Variants in ARHGAP8 observed in about 807,000 individuals in gnomAD.
ARHGAP8 encodes rho GTPase-activating protein 8.
Under a neutral mutation model 46.1 loss-of-function variants are expected in ARHGAP8, and 62 were observed. The ratio of observed to expected loss-of-function variants is 1.34; its 90% confidence interval spans 1.10 to 1.66. The LOEUF (loss-of-function observed/expected upper bound fraction) is 1.66. Among genes scored for constraint, ARHGAP8 ranks in the 40% most tolerant of loss-of-function variants. The probability of loss-of-function intolerance (pLI) is 0.00; values close to 1 mark genes in which losing one functional copy is unlikely to be tolerated. For missense variants in ARHGAP8, 923 were observed against 568.4 expected, an observed-to-expected ratio of 1.62 and a Z score of -6.34; for synonymous variants, 375 against 243.1, an observed-to-expected ratio of 1.54 and a Z score of -5.05.
chr22:44,833,120 A>G (rs1322318738), intron 7 of ARHGAP8, among the ~76,000 whole-genome samples: 4 of 58,262 alleles, frequency 6.9e-5, no homozygotes, highest in Admixed American at 1.9e-4. Context: ...TTTTTGAGAT[A>G]GAGTCTCCCT....
chr22:44,837,371 AGTCACT>A (rs1931359002), intron 7 of ARHGAP8, among the ~76,000 whole-genome samples: 1 of 152,210 alleles, frequency 6.6e-6, no homozygotes, highest in Non-Finnish European at 1.5e-5. Context: ...GCCAGGTGGG[AGTCACT>A]GGCCACAGAG....
At position 44,862,446 on chromosome 22, in the gene ARHGAP8, G is replaced by C. The variant is rs763364625; in HGVS notation, c.1153G>C (p.Glu385Gln). 73 of 1,613,922 alleles carry C rather than the reference G, an allele frequency of 4.5e-5. No homozygotes were observed. In the South Asian group the frequency reaches 7.0e-4, roughly 16 times the overall value. ...CTATGAAAAGATCTTCAGCACCCCGGAGGCACCTGGGGAGCACGGCCTGGC... is the reference window on the plus strand; with the variant it reads ...CTATGAAAAGATCTTCAGCACCCCGCAGGCACCTGGGGAGCACGGCCTGGC... The part of the protein sequence containing the change: ...EYYEKIFSTP[E>Q]APGEHGLAPW... The change falls in exon 12 of 12, where the codon GAG (glutamate) becomes CAG (glutamine). Residue 385 changes from glutamate to glutamine, a missense_variant. By Grantham distance (29) the Glu-to-Gln change is conservative. Transcript: ENST00000356099.
chr22:44,822,962 C>T (rs1187357851), intron 6 of ARHGAP8, among the ~76,000 whole-genome samples: 3 of 152,192 alleles, frequency 2.0e-5, no homozygotes, highest in East Asian at 1.9e-4. Context: ...CCCAGAAAGG[C>T]GTATGCCACA....
intron 2 of ARHGAP8, chr22:44,801,864 C>T: frequency 1.7e-6 from 1 of 584,526 alleles, no homozygotes. Flanking sequence ...GGGATTATTT[C>T]CAGCGTACGG....
intron 10 of ARHGAP8, among the ~76,000 whole-genome samples, chr22:44,856,931 TTGAG>T (rs2070241871): frequency 7.1e-6 from 1 of 141,450 alleles, no homozygotes; most frequent in Non-Finnish European, 1.5e-5. Flanking sequence ...GGAGGCTGAC[TTGAG>T]TAAGAATTCT....
chr22:44,776,320 C>T (rs866550837), intron 1 of ARHGAP8, among the ~76,000 whole-genome samples: 7 of 152,048 alleles, frequency 4.6e-5, no homozygotes, highest in Admixed American at 1.3e-4. Context: ...AGCATGGTGG[C>T]GGGTACCTGT....
At chr22:44,849,165 C>G (rs374572503) in intron 10 of ARHGAP8, 105 bp downstream of exon 10, 7 of 1,557,526 alleles carry the variant, frequency 4.5e-6, no homozygotes, top group Non-Finnish European at 6.0e-6. Context: ...TGACGTGTAC[C>G]CACCCTCCTC....
intron 10 of ARHGAP8, among the ~76,000 whole-genome samples, chr22:44,858,734 T>TGGGG (rs562188438): frequency 2.5e-5 from 3 of 119,192 alleles, no homozygotes; most frequent in Non-Finnish European, 3.7e-5. Flanking sequence ...TAAGGGTAAC[T>TGGGG]GGGGGGTCTC....
intron 2 of ARHGAP8, among the ~76,000 whole-genome samples, chr22:44,800,596 G>A (rs552803404): frequency 0.025 from 1,929 of 77,410 alleles, 32 homozygotes; most frequent in East Asian, 0.1. Context: ...TGTGGGGGGC[G>A]CCCCTCCCCG....
intron 10 of ARHGAP8, among the ~76,000 whole-genome samples, chr22:44,858,537 T>TTTTC (rs1291178069): frequency 7.8e-6 from 1 of 127,660 alleles, no homozygotes; most frequent in Non-Finnish European, 1.7e-5. Flanking sequence ...ACCCGGCTTT[T>TTTTC]TTTTTTTTTT....
chr22:44,800,050 A>AGGGGCACGGAGGATGGTCTGCAGG (rs528355562), intron 2 of ARHGAP8, among the ~76,000 whole-genome samples: 23 of 84,326 alleles, frequency 2.7e-4, no homozygotes, highest in East Asian at 1.8e-3. Context: ...GATGGTCTGC[A>AGGGGCACGGAGGATGGTCTGCAGG]GGCATGGAGG....
At chr22:44,799,530 G>C (rs1928332397) in intron 2 of ARHGAP8, among the ~76,000 whole-genome samples, 1 of 152,156 alleles carries the variant, frequency 6.6e-6, no homozygotes, top group Admixed American at 6.5e-5. Context: ...TGCTGGGCCA[G>C]GTCCTCGGGG....
rs774415242 is a variant in ARHGAP8 at position 44,845,317 on chromosome 22, C to T, written c.645C>T (p.Phe215=). The T allele has an allele frequency of 1.2e-5, 19 of 1,614,012 alleles. No homozygotes were observed. The African/African-American group carries it at 2.4e-4, about 20-fold the overall frequency. Residue 215 remains phenylalanine, a synonymous_variant, in exon 8 of 12, where the codon TTC becomes TTT. Transcript: ENST00000356099. ...QGELIPPVLR[F]TVTYLREKGL... ...AACTCATCCCCCCTGTGCTGAGGTT[C>T]ACAGTGACGTACCTGAGAGAGAAAG...
intron 2 of ARHGAP8, among the ~76,000 whole-genome samples, chr22:44,799,062 AGCCCCCACCTGGGGG>A (rs2147073663): frequency 6.6e-6 from 1 of 152,308 alleles, no homozygotes; most frequent in South Asian, 2.1e-4. Context: ...TCCCATCCCC[AGCCCCCACCTGGGGG>A]GCCCCCAAGG....
At chr22:44,847,901 G>A (rs2069996578) in intron 8 of ARHGAP8, 72 bp from the exon 9 acceptor site, 1 of 1,576,692 alleles carries the variant, frequency 6.3e-7, no homozygotes, top group Non-Finnish European at 8.6e-7. Flanking sequence ...GTGGGCAGGG[G>A]AGTGTCATAT....
intron 7 of ARHGAP8, among the ~76,000 whole-genome samples, chr22:44,825,855 G>A (rs1930480982): frequency 7.8e-6 from 1 of 128,766 alleles, no homozygotes; most frequent in South Asian, 2.8e-4. Flanking sequence ...GCGCGTGCTC[G>A]CTGCTCGGTG....
intron 6 of ARHGAP8, among the ~76,000 whole-genome samples, chr22:44,823,427 A>G (rs1930295662): frequency 6.6e-6 from 1 of 152,096 alleles, no homozygotes; most frequent in African/African-American, 2.4e-5. Flanking sequence ...TCCTGCAAAC[A>G]TATGGGTGAA....
chr22:44,808,800 G>A (rs1602206686), intron 4 of ARHGAP8: 1 of 360,508 alleles, frequency 2.8e-6, no homozygotes, highest in East Asian at 7.4e-5. Context: ...CCTGTCTCTA[G>A]TAAAAATACA....
intron 1 of ARHGAP8, among the ~76,000 whole-genome samples, chr22:44,776,240 C>G (rs1926406957): frequency 6.6e-6 from 1 of 152,098 alleles, no homozygotes; most frequent in Non-Finnish European, 1.5e-5. Flanking sequence ...CACCTGAGTT[C>G]AGGAGTTTGA....
Sources: gnomAD v4.1 joint callset for allele counts (sites outside exome capture counted in the v4.1 genomes callset) on GRCh38, gnomAD v4.1.1 for gene constraint, MANE v1.5 for transcripts, NCBI Gene and HGNC (gene_info 2026-07-23, HGNC 2026-07-21) for gene names.